The following ZNF608 variants were observed in gnomAD, a reference collection of about 807,000 sequenced individuals.
ZNF608 encodes zinc finger protein 608.
In ZNF608, 12 loss-of-function variants were observed where a neutral mutation model predicts 109.0. The ratio of observed to expected loss-of-function variants is 0.11; its 90% CI spans 0.07 to 0.18. The LOEUF is 0.18. Ranked by LOEUF, ZNF608 falls within the 10% of genes least tolerant of loss-of-function variation. ZNF608 has a pLI of 1.00. For synonymous variants in ZNF608, 732 were observed against 717.4 expected (o/e 1.02, Z -0.33); for missense variants, 1,707 against 1,879.3 (o/e 0.91, Z 1.70).
upstream of ZNF608, among the ~76,000 whole-genome samples, chr5:124,746,966 T>A (rs900832108): frequency 3.1e-4 from 1 of 3,178 alleles, no homozygotes; most frequent in African/African-American, 1.3e-3. Flanking sequence ...CTTGGGGCGG[T>A]GGGGTGGGGA....
rs1750695842 is a variant in ZNF608 at position 124,649,704 on chromosome 5, G to A, written c.1163-7C>T. On this transcript the variant is annotated splice_region_variant and splice_polypyrimidine_tract_variant and intron_variant, in intron 3 of 9. Transcript: ENST00000513986. Reference sequence around the variant, plus strand: ...ACATTGACCACTAGGACACCTGCAGGAGGCAGGGGATGAAAAAGGATCATA... The same window carrying A: ...ACATTGACCACTAGGACACCTGCAGAAGGCAGGGGATGAAAAAGGATCATA... The A allele has an allele frequency of 2.6e-6, 4 of 1,560,694 alleles. No homozygotes were observed. In the South Asian group the frequency reaches 4.7e-5, roughly 18 times the overall value.
At chr5:124,706,507 G>A (rs1239171740) in intron 2 of ZNF608, among the ~76,000 whole-genome samples, 1 of 152,186 alleles carries the variant, frequency 6.6e-6, no homozygotes, top group Non-Finnish European at 1.5e-5. Flanking sequence ...TTTCTGAGGG[G>A]AGAAACACTA....
At chr5:124,639,582 G>C (rs970674831) in intron 8 of ZNF608, among the ~76,000 whole-genome samples, 1 of 152,188 alleles carries the variant, frequency 6.6e-6, no homozygotes, top group Admixed American at 6.5e-5. Flanking sequence ...CATGCTATTT[G>C]CCTAGAATAC....
chr5:124,647,789 T>C lies in ZNF608; in HGVS notation c.2595A>G (p.Ala865=). The C allele has an allele frequency of 6.2e-7, 1 of 1,614,196 alleles. No individual in the cohort carries two copies. Among genetic ancestry groups the C allele is most frequent in the Non-Finnish European group, 8.5e-7 (1 of 1,179,994 alleles). The change falls in exon 5 of 10, where the codon GCA becomes GCG. Residue 865 remains alanine (A), a synonymous_variant. Coordinates refer to ENST00000513986, the MANE Select transcript of ZNF608 (RefSeq NM_020747.3). ...KDHLNKNEGL[A]NGLSESQESR... is the part of the protein sequence containing the mutation. The stretch of plus-strand genomic sequence containing the variant: ...TCTCCTGAGACTCCGACAGTCCATT[T>C]GCCAGCCCTTCATTCTTGTTGAGAT...
chr5:124,671,498 C>G (rs1751719070), intron 3 of ZNF608, among the ~76,000 whole-genome samples: 1 of 152,208 alleles, frequency 6.6e-6, no homozygotes, highest in African/African-American at 2.4e-5. Context: ...TCAACCTTCT[C>G]TTCTAAATGT....
rs1749594957 is a variant in ZNF608, at chr5:124,745,187, G to A, written c.-183-15C>T. 3 of 1,400,594 alleles carry A rather than the reference G, an allele frequency of 2.1e-6. No individual in the cohort carries two copies. Among genetic ancestry groups the A allele is most frequent in the Admixed American group, 3.2e-5 (1 of 31,068 alleles). 86.8% of individuals were successfully genotyped at this position (1,400,594 alleles called of 1,614,324 possible). A position where few individuals can be genotyped will look rare whatever the true frequency, so the allele number is the denominator to read the frequency against. On this transcript the variant is annotated splice_polypyrimidine_tract_variant and intron_variant, in intron 1 of 9. Transcript: ENST00000513986. ...TCCACCTTTTCCTGTGAAGGGGGGG[G>A]GAAAAGTCGAATATTTCTTGTCTGG...
intron 2 of ZNF608, among the ~76,000 whole-genome samples, chr5:124,726,666 A>T (rs1206598831): frequency 3.5e-5 from 3 of 85,866 alleles, no homozygotes; most frequent in African/African-American, 1.6e-4. Context: ...TTTGTTTAAA[A>T]AAAAAAAAAA....
intron 3 of ZNF608, among the ~76,000 whole-genome samples, chr5:124,694,377 AT>A (rs111441010): frequency 1.3e-5 from 2 of 151,196 alleles, no homozygotes; most frequent in African/African-American, 2.4e-5. Flanking sequence ...TACTAAAAAA[AT>A]TTTTTTTCAT....
intron 2 of ZNF608, among the ~76,000 whole-genome samples, chr5:124,712,400 C>A (rs1302027737): frequency 6.6e-6 from 1 of 152,074 alleles, no homozygotes; most frequent in Non-Finnish European, 1.5e-5. Context: ...ATCTCTGTGA[C>A]CCCTGGCAGA....
intron 3 of ZNF608, among the ~76,000 whole-genome samples, chr5:124,668,147 G>C (rs946830814): frequency 1.3e-5 from 2 of 150,166 alleles, no homozygotes; most frequent in Non-Finnish European, 3.0e-5. Flanking sequence ...GAGCTCAGGG[G>C]TTTGAGACCA....
chr5:124,715,738 A>G (rs1302485832), intron 2 of ZNF608, among the ~76,000 whole-genome samples: 1 of 152,198 alleles, frequency 6.6e-6, no homozygotes, highest in African/African-American at 2.4e-5. Flanking sequence ...TGTTATCATT[A>G]TTTTTATTTT....
intron 2 of ZNF608, among the ~76,000 whole-genome samples, chr5:124,708,941 G>T (rs1753372652): frequency 6.6e-6 from 1 of 152,100 alleles, no homozygotes; most frequent in African/African-American, 2.4e-5. Flanking sequence ...GGAGGCCAAG[G>T]CGGGTAGATC....
chr5:124,724,803 C>A (rs573523416), intron 2 of ZNF608, among the ~76,000 whole-genome samples: 1 of 152,244 alleles, frequency 6.6e-6, no homozygotes, highest in Admixed American at 6.5e-5. Flanking sequence ...ACATCATCTC[C>A]CTCAACCACT....
At chr5:124,708,241 G>A (rs768096727) in intron 2 of ZNF608, among the ~76,000 whole-genome samples, 1 of 152,224 alleles carries the variant, frequency 6.6e-6, no homozygotes, top group Non-Finnish European at 1.5e-5. Context: ...TATAGTGTAG[G>A]AGGGATTATA....
intron 3 of ZNF608, among the ~76,000 whole-genome samples, chr5:124,656,495 T>A (rs1286447411): frequency 6.6e-6 from 1 of 152,160 alleles, no homozygotes; most frequent in Non-Finnish European, 1.5e-5. Flanking sequence ...GAACAGGGTT[T>A]GTTTATGGGA....
chr5:124,647,500 C>A lies in ZNF608; in HGVS notation c.2884G>T (p.Ala962Ser), dbSNP rs751038626. 6.2e-7 allele frequency: 1 copy of A among 1,614,168 alleles called. No homozygotes were observed. Among genetic ancestry groups the A allele is most frequent in the Admixed American group, 1.7e-5 (1 of 60,016 alleles). ...GAAATAATATCTGATGGGGAACTGG[C>A]CTTTGATCTCATACCCTCCGACCTG... ...DSRSEGMRSKASSPSDIISSK... is the reference protein window; with the variant it reads ...DSRSEGMRSKSSSPSDIISSK... The change falls in exon 5 of 10, where the codon GCC becomes TCC. Residue 962 changes from alanine (A) to serine (S), a missense_variant. Physicochemically the swap from Ala to Ser is moderately conservative, Grantham distance 99. Coordinates refer to ENST00000513986, the MANE Select transcript of ZNF608 (RefSeq NM_020747.3).
chr5:124,652,406 A>G lies in ZNF608; in HGVS notation c.1163-2709T>C, dbSNP rs145890007. ...GCTCAAAACAAATGCTTTACACCCA[A>G]GGAGATTTTGAACAGTCTCCATCAA... On this transcript the variant is annotated intron_variant, in intron 3 of 9. Transcript: ENST00000513986. Among the ~76,000 whole-genome samples the G allele has an allele frequency of 4.4e-3, 671 of 152,316 alleles. 3 individuals are homozygous for G. Among genetic ancestry groups the G allele is most frequent in the African/African-American group, 0.014 (576 of 41,570 alleles).
chr5:124,696,380 A>G (rs1356105750), intron 3 of ZNF608, among the ~76,000 whole-genome samples: 1 of 152,228 alleles, frequency 6.6e-6, no homozygotes, highest in Non-Finnish European at 1.5e-5. Flanking sequence ...AGTCACTATC[A>G]TAAGTTGCCC....
chr5:124,746,976 A>G (rs560601390), upstream of ZNF608, among the ~76,000 whole-genome samples: 416 of 150,130 alleles, frequency 2.8e-3, no homozygotes, highest in Middle Eastern at 0.014. Context: ...TGGGGTGGGG[A>G]AAATAACGGC....
Sources: gnomAD v4.1 joint callset for allele counts (sites outside exome capture counted in the v4.1 genomes callset) on GRCh38, gnomAD v4.1.1 for gene constraint, MANE v1.5 for transcripts, NCBI Gene and HGNC (gene_info 2026-07-23, HGNC 2026-07-21) for gene names.